The following CARMIL1 variants were observed in gnomAD, a reference collection of about 807,000 sequenced individuals.
CARMIL1 encodes capping protein regulator and myosin 1 linker 1.
Under a neutral mutation model 177.1 loss-of-function variants are expected in CARMIL1, and 90 were observed. The ratio of observed to expected loss-of-function variants is 0.51; its 90% confidence interval spans 0.43 to 0.61. CARMIL1 has a LOEUF of 0.61. Ranked by LOEUF, CARMIL1 falls within the 20% of genes least tolerant of loss-of-function variation. The probability of loss-of-function intolerance (pLI) is 0.00; values close to 1 mark genes in which losing one functional copy is unlikely to be tolerated. For synonymous variants in CARMIL1, 577 were observed against 606.2 expected, an observed-to-expected ratio of 0.95 and a Z score of 0.71; for missense variants, 1,380 against 1,667.0, an observed-to-expected ratio of 0.83 and a Z score of 3.00.
At chr6:25,389,680 C>A (rs1428994593) in intron 2 of CARMIL1, among the ~76,000 whole-genome samples, 1 of 152,192 alleles carries the variant, frequency 6.6e-6, no homozygotes, top group East Asian at 1.9e-4. Context: ...GTTGTTTCTG[C>A]CCAGTGATCA....
intron 11 of CARMIL1, among the ~76,000 whole-genome samples, chr6:25,474,395 G>A (rs968552411): frequency 1.2e-4 from 18 of 152,074 alleles, no homozygotes; most frequent in Non-Finnish European, 1.2e-4. Flanking sequence ...GATTACAGGC[G>A]TGAGCCACCG....
intron 8 of CARMIL1, among the ~76,000 whole-genome samples, chr6:25,451,514 G>T (rs960654789): frequency 6.6e-6 from 1 of 152,174 alleles, no homozygotes; most frequent in African/African-American, 2.4e-5. Flanking sequence ...CCTGTTACAA[G>T]TTATTTGAGA....
At position 25,481,203 on chromosome 6, in the gene CARMIL1, G is replaced by A. The variant is rs189247433; in HGVS notation, c.875-1054G>A. Reference sequence around the variant, plus strand: ...ATACTCAAGTCTCTAGAAATACTCCGATAAAAACCTGTTTAACATGATTTA... The same window carrying A: ...ATACTCAAGTCTCTAGAAATACTCCAATAAAAACCTGTTTAACATGATTTA... On this transcript the variant is annotated intron_variant, in intron 11 of 36. Transcript: ENST00000329474. 2.4e-4 allele frequency among the ~76,000 whole-genome samples: 37 copies of A among 151,790 alleles called. No homozygotes were observed. In the South Asian group the frequency reaches 5.8e-3, roughly 24 times the overall value.
At chr6:25,354,995 C>A (rs1490721992) in intron 2 of CARMIL1, among the ~76,000 whole-genome samples, 1 of 152,174 alleles carries the variant, frequency 6.6e-6, no homozygotes, top group Non-Finnish European at 1.5e-5. Flanking sequence ...GCTGGCGAGT[C>A]TACTGACAGA....
intron 29 of CARMIL1, among the ~76,000 whole-genome samples, chr6:25,576,807 G>T (rs1459267720): frequency 6.6e-6 from 1 of 152,162 alleles, no homozygotes; most frequent in African/African-American, 2.4e-5. Flanking sequence ...CCATTAATAT[G>T]TTGGCCTCAT....
intron 12 of CARMIL1, among the ~76,000 whole-genome samples, chr6:25,485,860 T>C (rs1218814282): frequency 6.6e-6 from 1 of 152,104 alleles, no homozygotes; most frequent in East Asian, 1.9e-4. Flanking sequence ...TTAAAATGAC[T>C]GGAGTTACAT....
chr6:25,531,810 G>A (rs188984307), intron 24 of CARMIL1, among the ~76,000 whole-genome samples: 11 of 152,154 alleles, frequency 7.2e-5, no homozygotes, highest in Non-Finnish European at 1.5e-4. Flanking sequence ...TCACTCTGTC[G>A]CCCAGGCTGG....
intron 2 of CARMIL1, among the ~76,000 whole-genome samples, chr6:25,346,079 C>T (rs1406768675): frequency 6.6e-6 from 1 of 152,236 alleles, no homozygotes. Flanking sequence ...ATCTTTCTAA[C>T]TGGTCTTTCA....
chr6:25,519,761 G>A (rs1295391878), intron 22 of CARMIL1, among the ~76,000 whole-genome samples: 3 of 152,160 alleles, frequency 2.0e-5, no homozygotes, highest in African/African-American at 7.2e-5. Flanking sequence ...GGATGCTAAT[G>A]GCTTGCTTTG....
chr6:25,563,744 T>C (rs1214422516), intron 29 of CARMIL1: 3 of 985,110 alleles, frequency 3.0e-6, no homozygotes, highest in African/African-American at 3.5e-5. Flanking sequence ...CCAGGCTTGC[T>C]ACATTGAGGG....
chr6:25,563,556 A>ACTTGAT, intron 29 of CARMIL1: 3 of 985,420 alleles, frequency 3.0e-6, no homozygotes, highest in Non-Finnish European at 3.6e-6. Flanking sequence ...AGGAGGAGGC[A>ACTTGAT]GTTGTACTTG....
chr6:25,334,765 C>T lies in CARMIL1; in HGVS notation c.138+49856C>T, dbSNP rs1319562967. ...CCCTTCTGTGGCAGTCTACTAAGCA[C>T]AGTGTTAACCTGAGGTCTTTGGAAA... On this transcript the variant is annotated intron_variant, in intron 2 of 36. Transcript: ENST00000329474. 5.3e-5 allele frequency among the ~76,000 whole-genome samples: 8 copies of T among 152,170 alleles called. No individual in the cohort carries two copies. The East Asian group carries it at 1.5e-3, about 29-fold the overall frequency.
intron 2 of CARMIL1, among the ~76,000 whole-genome samples, chr6:25,355,496 T>A (rs1788503101): frequency 6.6e-6 from 1 of 151,792 alleles, no homozygotes. Flanking sequence ...AGAAAAAAAA[T>A]TAATTGGGTG....
chr6:25,279,498 CCGCCCCG>C lies in CARMIL1; in HGVS notation c.-285_-279del, dbSNP rs912774441. 9.5e-5 allele frequency: 46 copies of C among 486,542 alleles called. No homozygotes were observed. The highest frequency in any genetic ancestry group is 1.8e-4 in the South Asian group (8 of 44,314). The allele number at this position is 486,542 out of a possible 1,614,324, so 30.1% of individuals were successfully genotyped here. ...CCGGGAGGAGGAGCAGGCGCCACAG[CCGCCCCG>C]CGCCCCGCGCCCGCTTGTAATCCGG... is the stretch of plus-strand genomic sequence containing the variant. On this transcript the variant is annotated 5_prime_UTR_variant, in exon 1 of 37. Coordinates refer to ENST00000329474, the MANE Select transcript of CARMIL1 (RefSeq NM_017640.6).
In CARMIL1 at chr6:25,520,398, T is replaced by G. The variant is rs898841138; in HGVS notation, c.1968+61T>G. 9 of 919,888 alleles carry G rather than the reference T, an allele frequency of 9.8e-6. No individual in the cohort carries two copies. The African/African-American group carries it at 1.5e-4, about 16-fold the overall frequency. The allele number at this position is 919,888 out of a possible 1,614,324, so 57.0% of individuals were successfully genotyped here. ...CACATTTGAATTGTGGTTATGTTCC[T>G]GAACTTATAAACAATACTTTGTTAT... On this transcript the variant is annotated intron_variant, in intron 23 of 36. Coordinates refer to ENST00000329474, the MANE Select transcript of CARMIL1 (RefSeq NM_017640.6).
intron 2 of CARMIL1, among the ~76,000 whole-genome samples, chr6:25,352,319 CTT>C (rs10713909): frequency 2.2e-3 from 312 of 143,562 alleles, no homozygotes; most frequent in Middle Eastern, 7.0e-3. Context: ...TTGTAGGATA[CTT>C]TTTTTTTTTT....
At chr6:25,527,618 C>A in intron 23 of CARMIL1, 1 of 395,432 alleles carries the variant, frequency 2.5e-6, no homozygotes, top group Non-Finnish European at 4.9e-6. Context: ...TGGGAAGCAG[C>A]AAGAGAAAGT....
At chr6:25,460,606 T>C (rs1366284250) in intron 8 of CARMIL1, among the ~76,000 whole-genome samples, 1 of 152,244 alleles carries the variant, frequency 6.6e-6, no homozygotes, top group African/African-American at 2.4e-5. Context: ...CTCCTCATTC[T>C]CAGCATATTG....
At chr6:25,384,154 A>G (rs1415952242) in intron 2 of CARMIL1, among the ~76,000 whole-genome samples, 1 of 152,186 alleles carries the variant, frequency 6.6e-6, no homozygotes, top group Non-Finnish European at 1.5e-5. Flanking sequence ...TTAAGACATG[A>G]AATTTCAGAA....
Sources: gnomAD v4.1 joint callset for allele counts (sites outside exome capture counted in the v4.1 genomes callset) on GRCh38, gnomAD v4.1.1 for gene constraint, MANE v1.5 for transcripts, NCBI Gene and HGNC (gene_info 2026-07-23, HGNC 2026-07-21) for gene names.